JKAMP: variants seen among roughly 807,000 people sequenced by gnomAD.
The protein encoded by JKAMP is JNK1/MAPK8 associated membrane protein, also known as JNK1/MAPK8-associated membrane protein.
In JKAMP, 20 loss-of-function variants were observed where a neutral mutation model predicts 40.2. That is an observed-to-expected ratio of 0.50 (90% CI 0.35 to 0.72). JKAMP has a LOEUF of 0.72. Ranked by LOEUF, JKAMP falls within the 30% of genes least tolerant of loss-of-function variation. The pLI is 0.01. For missense variants in JKAMP, 276 were observed against 373.0 expected, an observed-to-expected ratio of 0.74 and a Z score of 2.14; for synonymous variants, 138 against 131.6, an observed-to-expected ratio of 1.05 and a Z score of -0.33.
At chr14:59,499,535 CAAAAG>C (rs541465489) in intron 5 of JKAMP, among the ~76,000 whole-genome samples, 174 of 152,204 alleles carry the variant, frequency 1.1e-3, no homozygotes, top group African/African-American at 4.0e-3. Flanking sequence ...AACTGTGACT[CAAAAG>C]AATAAGACAA....
At position 59,486,717 on chromosome 14, in the gene JKAMP, CGAT is replaced by C. The variant is rs2139855457; in HGVS notation, c.10_12del (p.Asp4del). 1 of 1,580,086 alleles carries C rather than the reference CGAT, an allele frequency of 6.3e-7. No individual in the cohort carries two copies. Among genetic ancestry groups the C allele is most frequent in the African/African-American group, 1.3e-5 (1 of 74,336 alleles). On this transcript the variant is annotated inframe_deletion, in exon 2 of 7. Transcript: ENST00000616435. The stretch of plus-strand genomic sequence containing the variant: ...CTGGCATTTGTTTTTAAAAAGCTGT[CGAT>C]ATTCAACCAGCATGCCTTGGACTTT...
rs761738395 is a variant in JKAMP, at chr14:59,505,342, A to C, written c.*1270A>C. On this transcript the variant is annotated 3_prime_UTR_variant, in exon 7 of 7. Transcript: ENST00000616435. Reference sequence around the variant, plus strand: ...TGTAGGAATAAAAAATAAATATAAAAATTTTATTTGTATTGCACACATTTG... The same window carrying C: ...TGTAGGAATAAAAAATAAATATAAACATTTTATTTGTATTGCACACATTTG... The C allele has an allele frequency of 7.6e-7, 1 of 1,321,310 alleles. No homozygotes were observed. Among genetic ancestry groups the C allele is most frequent in the Non-Finnish European group, 1.0e-6 (1 of 980,250 alleles). The allele number at this position is 1,321,310 out of a possible 1,614,324, so 81.8% of individuals were successfully genotyped here.
At chr14:59,491,467 A>G (rs1357314525) in intron 3 of JKAMP, among the ~76,000 whole-genome samples, 1 of 152,270 alleles carries the variant, frequency 6.6e-6, no homozygotes, top group Non-Finnish European at 1.5e-5. Context: ...ATGGCAAGAA[A>G]TAATGAAGTT....
At chr14:59,485,357 A>G in intron 1 of JKAMP, 1 of 415,212 alleles carries the variant, frequency 2.4e-6, no homozygotes, top group Non-Finnish European at 4.2e-6. Context: ...ATAAGCGCCC[A>G]TTAAAGAGGC....
intron 3 of JKAMP, among the ~76,000 whole-genome samples, chr14:59,491,652 T>G (rs903802944): frequency 6.6e-6 from 1 of 152,200 alleles, no homozygotes; most frequent in Admixed American, 6.5e-5. Flanking sequence ...ATGAAATAAC[T>G]AAAGTCTGGG....
chr14:59,484,862 T>A, intron 1 of JKAMP: 1 of 1,165,050 alleles, frequency 8.6e-7, no homozygotes, highest in Non-Finnish European at 1.2e-6. Flanking sequence ...TCCCTTAGTT[T>A]AATGTCGAGG....
At chr14:59,487,981 C>T (rs1890708773) in intron 3 of JKAMP, among the ~76,000 whole-genome samples, 153 bp downstream of exon 3, 1 of 152,124 alleles carries the variant, frequency 6.6e-6, no homozygotes, top group Non-Finnish European at 1.5e-5. Context: ...GACAAGAAAA[C>T]TTAACAATAG....
chr14:59,498,823 A>G lies in JKAMP; in HGVS notation c.555A>G (p.Lys185=), dbSNP rs1181117637. ...LVKKIACGLG[K]SDRFKSIYAA... ...AGAAGATTGCATGTGGGTTAGGGAA[A>G]TCTGATCGATTTAAAAGTATTTATG... Residue 185 remains lysine (K), a synonymous_variant, in exon 5 of 7, where the codon AAA becomes AAG. Coordinates refer to ENST00000616435, the MANE Select transcript of JKAMP (RefSeq NM_016475.5). 1.2e-6 allele frequency: 2 copies of G among 1,612,568 alleles called. No individual in the cohort carries two copies. Among genetic ancestry groups the G allele is most frequent in the African/African-American group, 2.7e-5 (2 of 74,844 alleles).
intron 3 of JKAMP, among the ~76,000 whole-genome samples, chr14:59,492,954 C>G (rs752389862): frequency 6.6e-6 from 1 of 152,004 alleles, no homozygotes; most frequent in Non-Finnish European, 1.5e-5. Context: ...CCTGCCACCA[C>G]GCCCGGCCAA....
intron 3 of JKAMP, among the ~76,000 whole-genome samples, chr14:59,488,798 C>T (rs1362654423): frequency 2.0e-5 from 3 of 152,222 alleles, no homozygotes; most frequent in African/African-American, 7.2e-5. Flanking sequence ...CTCTCTTCAT[C>T]TGACTGCAAC....
At position 59,503,850 on chromosome 14, in the gene JKAMP, A is replaced by T; in HGVS notation, c.718-4A>T. The T allele has an allele frequency of 5.7e-6, 9 of 1,592,262 alleles. No homozygotes were observed. The highest frequency in any genetic ancestry group is 7.7e-6 in the Non-Finnish European group (9 of 1,161,380). ...TCTTTTCTTTCTTTTACAAAATTATATAGAACTGCTATGATCTTCTGGTCA... is the reference window on the plus strand; with the variant it reads ...TCTTTTCTTTCTTTTACAAAATTATTTAGAACTGCTATGATCTTCTGGTCA... On this transcript the variant is annotated splice_region_variant and splice_polypyrimidine_tract_variant and intron_variant, in intron 6 of 6. Transcript: ENST00000616435.
chr14:59,498,801 A>G lies in JKAMP; in HGVS notation c.533A>G (p.Lys178Arg), dbSNP rs1216904525. Residue 178 changes from lysine to arginine, a missense_variant, in exon 5 of 7, where the codon AAG (lysine) becomes AGG (arginine). Coordinates refer to ENST00000616435, the MANE Select transcript of JKAMP (RefSeq NM_016475.5). The stretch of plus-strand genomic sequence containing the variant: ...CTGCTCCGACCTCTTCTGGTGAAGA[A>G]GATTGCATGTGGGTTAGGGAAATCT... Reference protein sequence around the residue: ...MMLLRPLLVKKIACGLGKSDR... With the variant: ...MMLLRPLLVKRIACGLGKSDR... 1 of 1,610,014 alleles carries G rather than the reference A, an allele frequency of 6.2e-7. No individual in the cohort carries two copies. Among genetic ancestry groups the G allele is most frequent in the Non-Finnish European group, 8.5e-7 (1 of 1,176,704 alleles).
Position 59,501,174 on chromosome 14 carries a change from CA to C in JKAMP, c.641-15del. The C allele has an allele frequency of 6.8e-7, 1 of 1,474,782 alleles. No homozygotes were observed. Among genetic ancestry groups the C allele is most frequent in the East Asian group, 2.3e-5 (1 of 43,044 alleles). 91.4% of individuals were successfully genotyped at this position (1,474,782 alleles called of 1,614,324 possible). A position where few individuals can be genotyped will look rare whatever the true frequency, so the allele number is the denominator to read the frequency against. On this transcript the variant is annotated splice_polypyrimidine_tract_variant and intron_variant, in intron 5 of 6. Transcript: ENST00000616435. ...ATTTGTTTCATTTCCAACATAATAC[CA>C]ATGCTTATCTTTCAGATTACGCCTT...
chr14:59,500,694 C>T (rs1288716996), intron 5 of JKAMP, among the ~76,000 whole-genome samples: 1 of 152,068 alleles, frequency 6.6e-6, no homozygotes, highest in East Asian at 1.9e-4. Flanking sequence ...TTTTTGAATT[C>T]TCCTAAATTT....
chr14:59,497,615 T>C (rs1014753485), intron 4 of JKAMP, among the ~76,000 whole-genome samples: 1 of 152,114 alleles, frequency 6.6e-6, no homozygotes, highest in Non-Finnish European at 1.5e-5. Flanking sequence ...CACATAATGG[T>C]TTCCTCTTGA....
intron 3 of JKAMP, among the ~76,000 whole-genome samples, chr14:59,492,779 C>G (rs1891115138): frequency 6.6e-6 from 1 of 150,556 alleles, no homozygotes; most frequent in Non-Finnish European, 1.5e-5. Context: ...AAAATAGAGA[C>G]TATGAAGGAG....
chr14:59,494,123 T>G (rs546091512), intron 3 of JKAMP, among the ~76,000 whole-genome samples: 90 of 138,010 alleles, frequency 6.5e-4, no homozygotes, highest in Non-Finnish European at 1.1e-3. Context: ...AAAATTTGGG[T>G]GTGTGTGTGT....
At chr14:59,501,312 T>C in intron 6 of JKAMP, 45 bp downstream of exon 6, 1 of 1,247,026 alleles carries the variant, frequency 8.0e-7, no homozygotes, top group Non-Finnish European at 1.2e-6. Flanking sequence ...TTGATAAATT[T>C]GACAATTCAA....
At chr14:59,494,307 TTAAC>T (rs1217338166) in intron 3 of JKAMP, among the ~76,000 whole-genome samples, 3 of 152,148 alleles carry the variant, frequency 2.0e-5, no homozygotes, top group South Asian at 2.1e-4. Flanking sequence ...TGCAACACAT[TTAAC>T]TAACCACAGA....
Sources: gnomAD v4.1 joint callset for allele counts (sites outside exome capture counted in the v4.1 genomes callset) on GRCh38, gnomAD v4.1.1 for gene constraint, MANE v1.5 for transcripts, NCBI Gene and HGNC (gene_info 2026-07-23, HGNC 2026-07-21) for gene names.